The following ZMAT2 variants were observed in gnomAD, a reference collection of about 807,000 sequenced individuals.
ZMAT2 encodes the protein zinc finger matrin-type 2.
Under a neutral mutation model 27.5 loss-of-function variants are expected in ZMAT2, and 5 were observed. The observed-to-expected ratio is 0.18, with a 90% CI of 0.10 to 0.38. The LOEUF is 0.38. Ranked by LOEUF, ZMAT2 falls within the 10% of genes least tolerant of loss-of-function variation. ZMAT2 has a pLI of 1.00. For synonymous variants in ZMAT2, 76 were observed against 78.6 expected, an observed-to-expected ratio of 0.97 and a Z score of 0.17; for missense variants, 124 against 243.9, an observed-to-expected ratio of 0.51 and a Z score of 3.27.
At position 140,700,994 on chromosome 5, in the gene ZMAT2, G is replaced by C. The variant is rs1232063375; in HGVS notation, c.112+82G>C. On this transcript the variant is annotated intron_variant, in intron 2 of 5. Transcript: ENST00000274712. ...GAGCGGGTGGGAGTTGAAGTGCGCT[G>C]CCTTCCCACGCGGTGTAAGCTCTGG... 3 of 1,350,172 alleles carry C rather than the reference G, an allele frequency of 2.2e-6. No individual in the cohort carries two copies. The African/African-American group carries it at 4.4e-5, about 20-fold the overall frequency. 83.6% of individuals were successfully genotyped at this position (1,350,172 alleles called of 1,614,324 possible).
In ZMAT2 at chr5:140,700,927, CA is replaced by C; in HGVS notation, c.112+16del. 1 of 1,612,872 alleles carries C rather than the reference CA, an allele frequency of 6.2e-7. No individual in the cohort carries two copies. Among genetic ancestry groups the C allele is most frequent in the Non-Finnish European group, 8.5e-7 (1 of 1,179,086 alleles). ...AAAGAAAGATGGTGGGTGCTAACTA[CA>C]TCAAGGGCTAAGGGTATCACAGAGG... On this transcript the variant is annotated intron_variant, in intron 2 of 5. Transcript: ENST00000274712.
rs1488498169 is a variant in ZMAT2 at position 140,706,549 on chromosome 5, C to CA, written c.*799dup. 5 of 152,230 alleles carry CA rather than the reference C, an allele frequency of 3.3e-5. No individual in the cohort carries two copies. The highest frequency in any genetic ancestry group is 6.6e-5 in the Admixed American group (1 of 15,260). The allele number at this position is 152,230 out of a possible 1,614,324, so 9.4% of individuals were successfully genotyped here. On this transcript the variant is annotated 3_prime_UTR_variant, in exon 6 of 6. Transcript: ENST00000274712. The stretch of plus-strand genomic sequence containing the variant: ...GGCTTTTGGAAGAACCTGTTTGATG[C>CA]AAAAAAGAAAATGAAAAACAAAACA...
intron 5 of ZMAT2, among the ~76,000 whole-genome samples, chr5:140,705,020 A>G (rs911979674): frequency 6.6e-6 from 1 of 152,176 alleles, no homozygotes; most frequent in South Asian, 2.1e-4. Context: ...AGCCTATTCT[A>G]TAATAAAGTA....
intron 5 of ZMAT2, 104 bp from the exon 6 acceptor site, chr5:140,705,507 CAG>C: frequency 7.4e-7 from 1 of 1,358,930 alleles, no homozygotes; most frequent in East Asian, 2.5e-5. Flanking sequence ...ATGAAGTACT[CAG>C]AGCAATTTCT....
At chr5:140,701,370 G>A (rs578106710) in intron 2 of ZMAT2, among the ~76,000 whole-genome samples, 13 of 152,310 alleles carry the variant, frequency 8.5e-5, no homozygotes, top group African/African-American at 2.9e-4. Context: ...GATTGTTTCA[G>A]CTAGAGCTTA....
intron 3 of ZMAT2, among the ~76,000 whole-genome samples, chr5:140,703,241 CTTTTTTTTTTTT>C (rs34233013): frequency 1.4e-5 from 2 of 138,746 alleles, no homozygotes; most frequent in African/African-American, 5.3e-5. Context: ...TTTTTCTTTT[CTTTTTTTTTTTT>C]TTTCTGAGAC....
intron 2 of ZMAT2, among the ~76,000 whole-genome samples, chr5:140,701,400 C>G (rs1029001319): frequency 2.6e-5 from 4 of 152,136 alleles, no homozygotes; most frequent in Non-Finnish European, 5.9e-5. Flanking sequence ...TTTCTCTGTG[C>G]CTTGTACATC....
Position 140,701,051 on chromosome 5 carries a change from GCA to G in ZMAT2, c.112+140_112+141del, listed in dbSNP as rs905619602. ...GCTGCTTCCCTGGGCCTAGGTTTCTGCATTTACAAAATGAGAGCGAGGAGGTG... is the reference window on the plus strand; with the variant it reads ...GCTGCTTCCCTGGGCCTAGGTTTCTGTTTACAAAATGAGAGCGAGGAGGTG... On this transcript the variant is annotated intron_variant, in intron 2 of 5. Transcript: ENST00000274712. The G allele has an allele frequency of 2.5e-5, 20 of 791,216 alleles. No individual in the cohort carries two copies. The African/African-American group carries it at 3.2e-4, about 13-fold the overall frequency. The allele number at this position is 791,216 out of a possible 1,614,324, so 49.0% of individuals were successfully genotyped here.
Position 140,705,904 on chromosome 5 carries a change from C to G in ZMAT2, c.*148C>G. On this transcript the variant is annotated 3_prime_UTR_variant, in exon 6 of 6. Coordinates refer to ENST00000274712, the MANE Select transcript of ZMAT2 (RefSeq NM_144723.3). ...GATAGAGGGTGGGGGCTCATGGTTTCCCTCTACTTTGGGAGAGGGCACAGA... is the reference window on the plus strand; with the variant it reads ...GATAGAGGGTGGGGGCTCATGGTTTGCCTCTACTTTGGGAGAGGGCACAGA... 9.3e-7 allele frequency: 1 copy of G among 1,076,120 alleles called. No homozygotes were observed. The highest frequency in any genetic ancestry group is 2.0e-5 in the South Asian group (1 of 50,330). The allele number at this position is 1,076,120 out of a possible 1,614,324, so 66.7% of individuals were successfully genotyped here.
chr5:140,700,926 A>G lies in ZMAT2; in HGVS notation c.112+14A>G. The G allele has an allele frequency of 6.2e-7, 1 of 1,613,106 alleles. No homozygotes were observed. The highest frequency in any genetic ancestry group is 1.1e-5 in the South Asian group (1 of 91,044). On this transcript the variant is annotated intron_variant, in intron 2 of 5. Coordinates refer to ENST00000274712, the MANE Select transcript of ZMAT2 (RefSeq NM_144723.3). Reference sequence around the variant, plus strand: ...AAAAGAAAGATGGTGGGTGCTAACTACATCAAGGGCTAAGGGTATCACAGA... The same window carrying G: ...AAAAGAAAGATGGTGGGTGCTAACTGCATCAAGGGCTAAGGGTATCACAGA...
At chr5:140,704,281 G>A (rs1357750309) in intron 4 of ZMAT2, 145 bp from the exon 5 acceptor site, 2 of 1,152,262 alleles carry the variant, frequency 1.7e-6, no homozygotes, top group African/African-American at 1.6e-5. Context: ...GCTGCTCCTG[G>A]ACCCAGCTGG....
Position 140,705,679 on chromosome 5 carries a change from T to C in ZMAT2, c.523T>C (p.Leu175=). ...GAAGAAAAGGAGGGCTGAGGAGGAC[T>C]TGACATTTGAGGAGGACGATGAGAT... ...KEKKRRAEED[L]TFEEDDEMAA... Residue 175 remains leucine (L), a synonymous_variant, in exon 6 of 6, where the codon TTG becomes CTG. Transcript: ENST00000274712. The C allele has an allele frequency of 6.2e-7, 1 of 1,614,094 alleles. No individual in the cohort carries two copies. Among genetic ancestry groups the C allele is most frequent in the Non-Finnish European group, 8.5e-7 (1 of 1,179,998 alleles).
chr5:140,705,592 C>A, intron 5 of ZMAT2, 21 bp from the exon 6 acceptor site: 1 of 1,600,352 alleles, frequency 6.2e-7, no homozygotes, highest in Non-Finnish European at 8.5e-7. Context: ...TAAACTGATT[C>A]TGAGTGATTT....
chr5:140,703,764 GA>G (rs1381878043), intron 3 of ZMAT2, among the ~76,000 whole-genome samples, 153 bp from the exon 4 acceptor site: 2 of 152,204 alleles, frequency 1.3e-5, no homozygotes, highest in East Asian at 3.8e-4. Flanking sequence ...TGTCTTGGAA[GA>G]TGACTGCTAT....
At chr5:140,701,919 C>T (rs1251523268) in intron 2 of ZMAT2, 87 bp from the exon 3 acceptor site, 1 of 1,497,174 alleles carries the variant, frequency 6.7e-7, no homozygotes, top group Non-Finnish European at 9.0e-7. Context: ...ATGAGTAAGA[C>T]CTGAATTTTG....
chr5:140,701,324 A>G (rs1414886508), intron 2 of ZMAT2, among the ~76,000 whole-genome samples: 1 of 152,168 alleles, frequency 6.6e-6, no homozygotes, highest in Admixed American at 6.5e-5. Flanking sequence ...CCTCCCATAT[A>G]GTCTGAGAAA....
At chr5:140,701,883 T>G in intron 2 of ZMAT2, 123 bp from the exon 3 acceptor site, 1 of 1,223,546 alleles carries the variant, frequency 8.2e-7, no homozygotes. Flanking sequence ...AAGTGTCTGT[T>G]GTGTCCTTTC....
intron 4 of ZMAT2, 151 bp from the exon 5 acceptor site, chr5:140,704,275 C>T (rs1760012342): frequency 1.8e-6 from 2 of 1,088,910 alleles, no homozygotes; most frequent in Non-Finnish European, 2.6e-6. Flanking sequence ...CCATGTGCTG[C>T]TCCTGGACCC....
chr5:140,702,183 C>T (rs576020017), intron 3 of ZMAT2, 54 bp downstream of exon 3: 10 of 1,597,168 alleles, frequency 6.3e-6, no homozygotes, highest in Non-Finnish European at 8.6e-6. Context: ...AATAAGCCAC[C>T]TATTTTGGTT....
Sources: gnomAD v4.1 joint callset for allele counts (sites outside exome capture counted in the v4.1 genomes callset) on GRCh38, gnomAD v4.1.1 for gene constraint, MANE v1.5 for transcripts, NCBI Gene and HGNC (gene_info 2026-07-23, HGNC 2026-07-21) for gene names.